PPP2R2B: variants seen among roughly 807,000 people sequenced by gnomAD.
The protein encoded by PPP2R2B is protein phosphatase 2 regulatory subunit Bbeta, also known as serine/threonine-protein phosphatase 2A 55 kDa regulatory subunit B beta isoform.
A neutral mutation model predicts 46.0 loss-of-function variants in PPP2R2B; 5 were observed. The observed-to-expected ratio is 0.11, with a 90% CI of 0.06 to 0.23. The LOEUF (loss-of-function observed/expected upper bound fraction) is 0.23. Among genes scored for constraint, PPP2R2B ranks in the 10% least tolerant of loss-of-function variants. The pLI is 1.00. For synonymous variants in PPP2R2B, 215 were observed against 206.7 expected (o/e 1.04, Z -0.34); for missense variants, 367 against 575.0 (o/e 0.64, Z 3.70).
At chr5:146,671,821 T>C (rs547970110) in intron 5 of PPP2R2B, among the ~76,000 whole-genome samples, 1 of 152,316 alleles carries the variant, frequency 6.6e-6, no homozygotes, top group African/African-American at 2.4e-5. Flanking sequence ...TTGCTTATCC[T>C]GGTGTGATCA....
rs376820292 is a variant in PPP2R2B, at chr5:146,651,817, G to T, written c.448-1093C>A. ...CTGGATTGGCTTCAACCCAGGTGGC[G>T]AGGAGAAGAAAAACAAAAGTTAAAT... On this transcript the variant is annotated intron_variant, in intron 5 of 9. Coordinates refer to ENST00000394411, the MANE Select transcript of PPP2R2B (RefSeq NM_181675.4). Among the ~76,000 whole-genome samples the T allele has an allele frequency of 5.8e-4, 88 of 152,332 alleles. 1 individual carries two copies. In the South Asian group the frequency reaches 0.017, roughly 30 times the overall value.
intron 4 of PPP2R2B, among the ~76,000 whole-genome samples, chr5:146,694,425 C>A (rs1421501208): frequency 6.6e-6 from 1 of 151,998 alleles, no homozygotes; most frequent in Non-Finnish European, 1.5e-5. Context: ...TTTTTTGTTG[C>A]GTGGCTTTGG....
In PPP2R2B at chr5:146,786,510, A is replaced by T. The variant is rs372868714; in HGVS notation, c.71-85368T>A. Among the ~76,000 whole-genome samples the T allele has an allele frequency of 6.7e-4, 102 of 152,292 alleles. No individual in the cohort carries two copies. The East Asian group carries it at 0.011, about 17-fold the overall frequency. On this transcript the variant is annotated intron_variant, in intron 2 of 9. Transcript: ENST00000394411. ...TACCCACCTGGGCCTCCTGACAACC[A>T]CCAACTATCACTGAAGTGCTGTTCA...
At chr5:146,964,859 G>C (rs1434129466) in intron 1 of PPP2R2B, among the ~76,000 whole-genome samples, 1 of 152,042 alleles carries the variant, frequency 6.6e-6, no homozygotes, top group Non-Finnish European at 1.5e-5. Flanking sequence ...GTTGACAAAG[G>C]GTCCTCTTTT....
intron 2 of PPP2R2B, among the ~76,000 whole-genome samples, chr5:146,774,968 C>CA (rs1361216020): frequency 6.6e-6 from 1 of 152,030 alleles, no homozygotes; most frequent in Non-Finnish European, 1.5e-5. Context: ...AGACCTGTAT[C>CA]AAGCAAGGAA....
At chr5:146,593,167 T>A in intron 8 of PPP2R2B, 105 bp from the exon 9 acceptor site, 1 of 1,003,010 alleles carries the variant, frequency 1.0e-6, no homozygotes, top group East Asian at 2.4e-5. Flanking sequence ...TCATTGTACA[T>A]GCTCTTTGAA....
intron 1 of PPP2R2B, among the ~76,000 whole-genome samples, chr5:146,926,484 C>T (rs1286832983): frequency 2.6e-5 from 4 of 151,994 alleles, no homozygotes; most frequent in East Asian, 3.9e-4. Context: ...CTCCGCCTCT[C>T]GGGTTTATGC....
chr5:146,986,123 A>T (rs1166071925), intron 1 of PPP2R2B, among the ~76,000 whole-genome samples: 1 of 152,168 alleles, frequency 6.6e-6, no homozygotes, highest in African/African-American at 2.4e-5. Context: ...CACATTGGAG[A>T]GGGGAGGAAG....
intron 1 of PPP2R2B, among the ~76,000 whole-genome samples, chr5:147,006,155 G>T (rs951567782): frequency 5.9e-5 from 9 of 152,144 alleles, no homozygotes; most frequent in Admixed American, 5.9e-4. Flanking sequence ...TGGAAATTAA[G>T]GGAAAAAGAC....
chr5:146,817,733 C>A (rs1758014653), intron 2 of PPP2R2B, among the ~76,000 whole-genome samples: 1 of 152,326 alleles, frequency 6.6e-6, no homozygotes, highest in East Asian at 1.9e-4. Flanking sequence ...TTTCCCAAGG[C>A]AATCACTATT....
chr5:146,806,338 C>T (rs940244475), intron 2 of PPP2R2B, among the ~76,000 whole-genome samples: 3 of 152,140 alleles, frequency 2.0e-5, no homozygotes, highest in Admixed American at 2.0e-4. Context: ...GCTTCATTTC[C>T]ACCTTTCCTA....
chr5:146,654,216 C>G (rs1776174503), intron 5 of PPP2R2B, among the ~76,000 whole-genome samples: 1 of 152,158 alleles, frequency 6.6e-6, no homozygotes, highest in Non-Finnish European at 1.5e-5. Flanking sequence ...CCAGCGCCCT[C>G]AGTAACCAAC....
intron 1 of PPP2R2B, among the ~76,000 whole-genome samples, chr5:146,938,030 CA>C (rs1446357693): frequency 6.6e-6 from 1 of 152,116 alleles, no homozygotes. Context: ...TTAGCAAGGG[CA>C]ACTGGTCCCA....
intron 1 of PPP2R2B, among the ~76,000 whole-genome samples, chr5:146,931,091 G>T (rs1203952870): frequency 6.6e-6 from 1 of 151,914 alleles, no homozygotes; most frequent in Non-Finnish European, 1.5e-5. Flanking sequence ...ATACTCTATA[G>T]TTCTATACTC....
intron 1 of PPP2R2B, among the ~76,000 whole-genome samples, chr5:146,968,275 G>A (rs1752524109): frequency 6.6e-6 from 1 of 151,966 alleles, no homozygotes; most frequent in South Asian, 2.1e-4. Context: ...GGACATTCTG[G>A]GCTTCCTTGT....
chr5:147,063,630 C>A (rs1757334533), intron 2 of PPP2R2B, among the ~76,000 whole-genome samples: 1 of 152,184 alleles, frequency 6.6e-6, no homozygotes, highest in Non-Finnish European at 1.5e-5. Context: ...TCCCAGACAT[C>A]TCTGCATTTT....
intron 1 of PPP2R2B, among the ~76,000 whole-genome samples, chr5:146,886,148 C>G (rs1489807168): frequency 6.6e-6 from 1 of 151,998 alleles, no homozygotes; most frequent in Non-Finnish European, 1.5e-5. Flanking sequence ...ACCACCCTGG[C>G]TAACAGGGTG....
At chr5:146,707,226 C>T in intron 2 of PPP2R2B, 1 of 1,584,118 alleles carries the variant, frequency 6.3e-7, no homozygotes, top group Non-Finnish European at 8.6e-7. Context: ...CAGCCGTCTT[C>T]TGCTGCTGCA....
At chr5:146,799,792 G>A (rs1756757712) in intron 2 of PPP2R2B, among the ~76,000 whole-genome samples, 1 of 152,336 alleles carries the variant, frequency 6.6e-6, no homozygotes, top group Non-Finnish European at 1.5e-5. Flanking sequence ...GGGGTTATGA[G>A]TAAAGCCAGG....
Sources: gnomAD v4.1 joint callset for allele counts (sites outside exome capture counted in the v4.1 genomes callset) on GRCh38, gnomAD v4.1.1 for gene constraint, MANE v1.5 for transcripts, NCBI Gene and HGNC (gene_info 2026-07-23, HGNC 2026-07-21) for gene names.